Variants in SF3B3 observed in about 807,000 individuals in gnomAD.
SF3B3 encodes the protein SAP 130.
Under a neutral mutation model 139.2 loss-of-function variants are expected in SF3B3, and 33 were observed. That is an observed-to-expected ratio of 0.24 (90% CI 0.18 to 0.32). The LOEUF is 0.32. Ranked by LOEUF, SF3B3 falls within the 10% of genes least tolerant of loss-of-function variation. SF3B3 has a pLI of 1.00. For synonymous variants in SF3B3, 596 were observed against 563.6 expected (o/e 1.06, Z -0.81); for missense variants, 818 against 1,509.4 (o/e 0.54, Z 7.59).
At chr16:70,569,000 A>C in intron 22 of SF3B3, 43 bp from the exon 23 acceptor site, 1 of 1,417,934 alleles carries the variant, frequency 7.1e-7, no homozygotes. Flanking sequence ...TCAGGTGAGC[A>C]GGTCCGGGCC....
intron 6 of SF3B3, 25 bp from the exon 7 acceptor site, chr16:70,538,298 T>C (rs2050187551): frequency 2.5e-6 from 4 of 1,608,958 alleles, no homozygotes; most frequent in Admixed American, 3.3e-5. Context: ...TTCTAAGACA[T>C]TGATTGTGTT....
intron 15 of SF3B3, among the ~76,000 whole-genome samples, chr16:70,558,135 T>C (rs1018237332): frequency 1.3e-5 from 2 of 152,234 alleles, no homozygotes; most frequent in Non-Finnish European, 2.9e-5. Flanking sequence ...TCATTCCTTA[T>C]GTGTTCAAGT....
chr16:70,545,767 C>A (rs1034890736), intron 10 of SF3B3, among the ~76,000 whole-genome samples: 7 of 152,106 alleles, frequency 4.6e-5, no homozygotes, highest in Admixed American at 4.6e-4. Context: ...ATAATGGTAC[C>A]TGCCATAAAG....
chr16:70,539,440 G>A (rs998269132), intron 8 of SF3B3, among the ~76,000 whole-genome samples: 1 of 151,976 alleles, frequency 6.6e-6, no homozygotes, highest in South Asian at 2.1e-4. Context: ...CCCAGCTACC[G>A]GGGAGGCTGA....
Position 70,523,849 on chromosome 16 carries a change from T to A in SF3B3, c.-150T>A. Reference sequence around the variant, plus strand: ...CTTGAGGTCTAATGGCGGACGCCAGTATGTTGGAGTTGGTGGTGGCTTAAG... The same window carrying A: ...CTTGAGGTCTAATGGCGGACGCCAGAATGTTGGAGTTGGTGGTGGCTTAAG... On this transcript the variant is annotated 5_prime_UTR_variant, in exon 1 of 26. Transcript: ENST00000302516. The A allele has an allele frequency of 3.8e-6, 2 of 519,502 alleles. No homozygotes were observed. Among genetic ancestry groups the A allele is most frequent in the Non-Finnish European group, 6.7e-6 (2 of 296,356 alleles). 32.2% of individuals were successfully genotyped at this position (519,502 alleles called of 1,614,324 possible).
chr16:70,541,703 G>A lies in SF3B3; in HGVS notation c.1102G>A (p.Asp368Asn). ...LYQIAHLGDD[D>N]EEPEFSSAMP... ...TCAAATTGCACATCTTGGAGATGAT[G>A]ATGAAGAACCTGAGTTTTCATCAGC... Residue 368 changes from aspartate to asparagine, a missense_variant, in exon 9 of 26, where the codon GAT becomes AAT. Transcript: ENST00000302516. 6.2e-7 allele frequency: 1 copy of A among 1,614,070 alleles called. No homozygotes were observed. Among genetic ancestry groups the A allele is most frequent in the Non-Finnish European group, 8.5e-7 (1 of 1,179,988 alleles).
chr16:70,561,571 T>C, intron 16 of SF3B3, 59 bp from the exon 17 acceptor site: 3 of 1,503,600 alleles, frequency 2.0e-6, no homozygotes, highest in Non-Finnish European at 2.8e-6. Flanking sequence ...GGTCAGCTTA[T>C]ACCATATTTG....
Position 70,575,024 on chromosome 16 carries a change from T to C in SF3B3, c.*3211T>C, listed in dbSNP as rs985782538. 6.6e-6 allele frequency: 1 copy of C among 152,060 alleles called. No homozygotes were observed. The highest frequency in any genetic ancestry group is 6.6e-5 in the Admixed American group (1 of 15,244). The allele number at this position is 152,060 out of a possible 1,614,324, so 9.4% of individuals were successfully genotyped here. The stretch of plus-strand genomic sequence containing the variant: ...TGGCTCTCGAGGACAAGATAGGGAC[T>C]CTTAAAACACCTGCTTGGCCATGGT... On this transcript the variant is annotated 3_prime_UTR_variant, in exon 26 of 26. Coordinates refer to ENST00000302516, the MANE Select transcript of SF3B3 (RefSeq NM_012426.5).
At chr16:70,559,333 A>C (rs1397897674) in intron 15 of SF3B3, among the ~76,000 whole-genome samples, 1 of 152,124 alleles carries the variant, frequency 6.6e-6, no homozygotes, top group Non-Finnish European at 1.5e-5. Flanking sequence ...CAGAGTAAGG[A>C]GTGAGGGCCA....
chr16:70,565,060 T>C lies in SF3B3; in HGVS notation c.2464-5T>C, dbSNP rs779250119. On this transcript the variant is annotated splice_region_variant and splice_polypyrimidine_tract_variant and intron_variant, in intron 18 of 25. Transcript: ENST00000302516. ...CAACTCAGTTACTCGTTTTTTTGGGTTTAGGAAATGGTGGAAGCAGCAGGG... is the reference window on the plus strand; with the variant it reads ...CAACTCAGTTACTCGTTTTTTTGGGCTTAGGAAATGGTGGAAGCAGCAGGG... 1.2e-6 allele frequency: 2 copies of C among 1,612,880 alleles called. No individual in the cohort carries two copies. The highest frequency in any genetic ancestry group is 1.7e-6 in the Non-Finnish European group (2 of 1,179,942).
At chr16:70,539,245 G>T in intron 8 of SF3B3, 38 bp downstream of exon 8, 1 of 1,476,006 alleles carries the variant, frequency 6.8e-7, no homozygotes, top group South Asian at 1.1e-5. Context: ...CACCCTGGTT[G>T]GGATAAAAGT....
intron 8 of SF3B3, among the ~76,000 whole-genome samples, chr16:70,540,152 T>C (rs1194007425): frequency 1.3e-5 from 2 of 148,468 alleles, no homozygotes; most frequent in African/African-American, 2.5e-5. Flanking sequence ...CCAAGCACTT[T>C]GGGAGGTTGA....
At chr16:70,526,788 C>G (rs964331980) in intron 2 of SF3B3, 62 bp downstream of exon 2, 24 of 1,138,006 alleles carry the variant, frequency 2.1e-5, no homozygotes, top group Non-Finnish European at 2.8e-5. Flanking sequence ...CTTGCTTAGT[C>G]TCTTGTGCAG....
intron 15 of SF3B3, among the ~76,000 whole-genome samples, chr16:70,559,891 C>G (rs920230261): frequency 6.7e-6 from 1 of 149,578 alleles, no homozygotes; most frequent in African/African-American, 2.5e-5. Context: ...TGTGAGCCAC[C>G]TCACCTGGCT....
At chr16:70,542,972 C>T (rs1178324360) in intron 9 of SF3B3, among the ~76,000 whole-genome samples, 1 of 152,104 alleles carries the variant, frequency 6.6e-6, no homozygotes, top group Non-Finnish European at 1.5e-5. Context: ...ATCCGCCTGC[C>T]TTGGTCTCCC....
intron 24 of SF3B3, among the ~76,000 whole-genome samples, chr16:70,570,397 C>G (rs898388498): frequency 2.1e-5 from 3 of 145,438 alleles, no homozygotes; most frequent in African/African-American, 7.6e-5. Context: ...GTGGCGCAAT[C>G]TCAGCTCATT....
Position 70,556,277 on chromosome 16 carries a change from C to G in SF3B3, c.1809C>G (p.Arg603=), listed in dbSNP as rs1597719235. Residue 603 remains arginine, a synonymous_variant, in exon 14 of 26, where the codon CGC becomes CGG. Coordinates refer to ENST00000302516, the MANE Select transcript of SF3B3 (RefSeq NM_012426.5). ...TACCCCCTGGAGAGCAGCGGTCTCG[C>G]TTCCTGGCTGTGGGGCTTGTGGACA... ...ANVPPGEQRS[R]FLAVGLVDNT... is the part of the protein sequence containing the mutation. 1.2e-6 allele frequency: 2 copies of G among 1,614,226 alleles called. No homozygotes were observed. The highest frequency in any genetic ancestry group is 2.7e-5 in the African/African-American group (2 of 75,050).
At chr16:70,528,464 C>CTTTT (rs71387528) in intron 2 of SF3B3, among the ~76,000 whole-genome samples, 2 of 103,914 alleles carry the variant, frequency 1.9e-5, no homozygotes, top group Non-Finnish European at 3.7e-5. Context: ...TGTGCGTGGC[C>CTTTT]TTTTTTTTTT....
Position 70,535,334 on chromosome 16 carries a change from G to A in SF3B3, c.739G>A (p.Gly247Arg). ...TCCAGGAGGGTCAGATGGTCCAAGT[G>A]GAGTACTGATCTGCTCTGAAAACTA... is the stretch of plus-strand genomic sequence containing the variant. ...TVPGGSDGPS[G>R]VLICSENYIT... The change falls in exon 6 of 26, where the codon GGA becomes AGA. Residue 247 changes from glycine to arginine, a missense_variant. Coordinates refer to ENST00000302516, the MANE Select transcript of SF3B3 (RefSeq NM_012426.5). 1.2e-6 allele frequency: 2 copies of A among 1,603,412 alleles called. No individual in the cohort carries two copies. Among genetic ancestry groups the A allele is most frequent in the Non-Finnish European group, 1.7e-6 (2 of 1,173,784 alleles).
Sources: gnomAD v4.1 joint callset for allele counts (sites outside exome capture counted in the v4.1 genomes callset) on GRCh38, gnomAD v4.1.1 for gene constraint, MANE v1.5 for transcripts, NCBI Gene and HGNC (gene_info 2026-07-23, HGNC 2026-07-21) for gene names.